GCM1: variants seen among roughly 807,000 people sequenced by gnomAD.
GCM1 encodes chorion-specific transcription factor GCMa.
A neutral mutation model predicts 25.7 loss-of-function variants in GCM1; 2 were observed. The ratio of observed to expected loss-of-function variants is 0.08; its 90% CI spans 0.03 to 0.24. The LOEUF (loss-of-function observed/expected upper bound fraction) is 0.24. Ranked by LOEUF, GCM1 falls within the 10% of genes least tolerant of loss-of-function variation. The pLI is 1.00. For synonymous variants in GCM1, 183 were observed against 195.7 expected, an observed-to-expected ratio of 0.94 and a Z score of 0.54; for missense variants, 395 against 538.7, an observed-to-expected ratio of 0.73 and a Z score of 2.64.
chr6:53,138,075 A>T (rs533572286), intron 2 of GCM1, among the ~76,000 whole-genome samples: 1 of 152,278 alleles, frequency 6.6e-6, no homozygotes, highest in Non-Finnish European at 1.5e-5. Flanking sequence ...TGAAGCCAGG[A>T]GTTCAAGACC....
At chr6:53,141,453 C>T (rs1763871662) in intron 2 of GCM1, among the ~76,000 whole-genome samples, 2 of 151,988 alleles carry the variant, frequency 1.3e-5, no homozygotes, top group Admixed American at 1.3e-4. Context: ...TTTGGGAGGC[C>T]AAGGTGGGTG....
intron 2 of GCM1, among the ~76,000 whole-genome samples, chr6:53,145,202 A>C (rs1198435071): frequency 6.6e-6 from 1 of 152,250 alleles, no homozygotes; most frequent in Non-Finnish European, 1.5e-5. Context: ...AGGTTGTATG[A>C]GGACTTGTGC....
intron 1 of GCM1, among the ~76,000 whole-genome samples, chr6:53,147,202 C>T (rs1490155568): frequency 6.6e-6 from 1 of 151,724 alleles, no homozygotes; most frequent in African/African-American, 2.4e-5. Flanking sequence ...AGTGTTCTAC[C>T]CTGAGGAAAA....
chr6:53,134,830 A>G (rs1763774796), intron 2 of GCM1, among the ~76,000 whole-genome samples: 1 of 152,152 alleles, frequency 6.6e-6, no homozygotes, highest in South Asian at 2.1e-4. Context: ...TGTGGAAAAC[A>G]TTGTGGCGGG....
chr6:53,130,441 G>A (rs1158078649), intron 5 of GCM1, among the ~76,000 whole-genome samples: 1 of 152,146 alleles, frequency 6.6e-6, no homozygotes, highest in Non-Finnish European at 1.5e-5. Context: ...AATTCAGGAG[G>A]GCGGGGAGGG....
chr6:53,141,564 G>A lies in GCM1; in HGVS notation c.75+3994C>T, dbSNP rs114291137. On this transcript the variant is annotated intron_variant, in intron 2 of 5. Coordinates refer to ENST00000259803, the MANE Select transcript of GCM1 (RefSeq NM_003643.4). ...TAGCCGGACACGGTGGCAGGTGCAAGTAGTCCCAGCTACTTGGGAGGCTGA... is the reference window on the plus strand; with the variant it reads ...TAGCCGGACACGGTGGCAGGTGCAAATAGTCCCAGCTACTTGGGAGGCTGA... Among the ~76,000 whole-genome samples, 725 of 152,206 alleles carry A rather than the reference G, an allele frequency of 4.8e-3. 1 individual carries two copies. Among genetic ancestry groups the A allele is most frequent in the African/African-American group, 0.017 (690 of 41,520 alleles).
intron 1 of GCM1, among the ~76,000 whole-genome samples, chr6:53,147,796 G>C (rs1041574676): frequency 6.6e-6 from 1 of 152,116 alleles, no homozygotes; most frequent in Non-Finnish European, 1.5e-5. Context: ...CCAAGGGAAA[G>C]TGTATGTATA....
chr6:53,141,112 A>G (rs1763866810), intron 2 of GCM1, among the ~76,000 whole-genome samples: 1 of 152,172 alleles, frequency 6.6e-6, no homozygotes, highest in Non-Finnish European at 1.5e-5. Flanking sequence ...GCATTTTTCT[A>G]CATGGCATTG....
intron 5 of GCM1, among the ~76,000 whole-genome samples, chr6:53,129,651 C>T (rs1226274757): frequency 6.6e-6 from 1 of 152,184 alleles, no homozygotes; most frequent in Non-Finnish European, 1.5e-5. Context: ...TTATATTATA[C>T]TCAGCACAAC....
intron 2 of GCM1, among the ~76,000 whole-genome samples, chr6:53,141,594 G>A (rs1259254044): frequency 6.6e-6 from 1 of 152,144 alleles, no homozygotes; most frequent in African/African-American, 2.4e-5. Context: ...GGCTGAGGCA[G>A]GAGAATGGTG....
chr6:53,133,331 A>ATGTGTGTGTGTG (rs5876306), intron 3 of GCM1, among the ~76,000 whole-genome samples: 27 of 145,206 alleles, frequency 1.9e-4, no homozygotes, highest in African/African-American at 6.9e-4. Context: ...CACCCGGCAA[A>ATGTGTGTGTGTG]TGTGTGTGTG....
At chr6:53,132,773 T>C (rs1478183382) in intron 3 of GCM1, among the ~76,000 whole-genome samples, 1 of 152,166 alleles carries the variant, frequency 6.6e-6, no homozygotes, top group African/African-American at 2.4e-5. Context: ...GGGGCCAAGC[T>C]ACATGGGAGA....
At position 53,128,189 on chromosome 6, in the gene GCM1, A is replaced by G. The variant is rs764545605; in HGVS notation, c.*17T>C. ...CCATTTTTGAGGGGCTGGGGTGCAC[A>G]TAGTGAAAGATTTGGGTCATCTCAA... is the stretch of plus-strand genomic sequence containing the variant. On this transcript the variant is annotated 3_prime_UTR_variant, in exon 6 of 6. Transcript: ENST00000259803. The G allele has an allele frequency of 5.0e-6, 8 of 1,592,616 alleles. No homozygotes were observed. Among genetic ancestry groups the G allele is most frequent in the South Asian group, 2.2e-5 (2 of 90,198 alleles).
Position 53,128,599 on chromosome 6 carries a change from A to G in GCM1, c.918T>C (p.Asn306=). 1 of 1,614,044 alleles carries G rather than the reference A, an allele frequency of 6.2e-7. No homozygotes were observed. Among genetic ancestry groups the G allele is most frequent in the Non-Finnish European group, 8.5e-7 (1 of 1,179,992 alleles). ...TGGAATAACAGTTGTCAGCAAGATG[A>G]TTTCTCCCCAAAGCAGCATTTTTAC... The part of the protein sequence containing the change: ...AWSKNAALGR[N]HLADNCYSNY... The change falls in exon 6 of 6, where the codon AAT becomes AAC. Residue 306 remains asparagine, a synonymous_variant. Transcript: ENST00000259803.
In GCM1 at chr6:53,148,491, AT is replaced by A. The variant is rs370340166; in HGVS notation, c.-137+262del. On this transcript the variant is annotated intron_variant, in intron 1 of 5. Coordinates refer to ENST00000259803, the MANE Select transcript of GCM1 (RefSeq NM_003643.4). ...CTAAGCGAATGAGCATTAATTTAAT[AT>A]TTCCCTAAAAGTTAAGAACAAAACA... Among the ~76,000 whole-genome samples the A allele has an allele frequency of 9.5e-4, 145 of 152,332 alleles. 3 individuals are homozygous for A. In the South Asian group the frequency reaches 0.029, roughly 30 times the overall value.
chr6:53,137,997 A>C (rs973673458), intron 2 of GCM1, among the ~76,000 whole-genome samples: 14 of 149,902 alleles, frequency 9.3e-5, no homozygotes, highest in Non-Finnish European at 1.0e-4. Flanking sequence ...ATAATGCAGT[A>C]ATGGCCAGGT....
rs367791460 is a variant in GCM1, at chr6:53,146,376, C to T, written c.-136-608G>A. Among the ~76,000 whole-genome samples the T allele has an allele frequency of 7.9e-5, 12 of 151,894 alleles. 1 individual carries two copies. The highest frequency in any genetic ancestry group is 2.6e-4 in the Admixed American group (4 of 15,260). ...CTGGGATTACAGGCATGTGCCACCA[C>T]GCACAGCTGATTTTTGTATTTTTAG... On this transcript the variant is annotated intron_variant, in intron 1 of 5. Transcript: ENST00000259803.
At chr6:53,145,068 A>G (rs1480990834) in intron 2 of GCM1, among the ~76,000 whole-genome samples, 2 of 152,158 alleles carry the variant, frequency 1.3e-5, no homozygotes, top group African/African-American at 4.8e-5. Context: ...AAAGGGAAGA[A>G]AGAAGAGGAA....
At chr6:53,146,954 A>G (rs1246966136) in intron 1 of GCM1, among the ~76,000 whole-genome samples, 2 of 152,146 alleles carry the variant, frequency 1.3e-5, no homozygotes, top group Non-Finnish European at 2.9e-5. Context: ...GGATTACCCG[A>G]GCCCAGGAGG....
Sources: gnomAD v4.1 joint callset for allele counts (sites outside exome capture counted in the v4.1 genomes callset) on GRCh38, gnomAD v4.1.1 for gene constraint, MANE v1.5 for transcripts, NCBI Gene and HGNC (gene_info 2026-07-23, HGNC 2026-07-21) for gene names.